Variants in MPRIP observed in about 807,000 individuals in gnomAD.
The protein encoded by MPRIP is myosin phosphatase Rho interacting protein, also known as myosin phosphatase Rho-interacting protein.
Under a neutral mutation model 234.9 loss-of-function variants are expected in MPRIP, and 59 were observed. The observed-to-expected ratio is 0.25, with a 90% CI of 0.20 to 0.31. The LOEUF (loss-of-function observed/expected upper bound fraction) is 0.31, where lower values mean the gene tolerates loss of function less well. Among genes scored for constraint, MPRIP ranks in the 10% least tolerant of loss-of-function variants. The pLI, the probability that MPRIP is intolerant of heterozygous loss-of-function variation, is 1.00. For synonymous variants in MPRIP, 1,144 were observed against 1,263.9 expected, an observed-to-expected ratio of 0.91 and a Z score of 2.01; for missense variants, 2,436 against 3,071.0, an observed-to-expected ratio of 0.79 and a Z score of 4.89.
At chr17:17,143,470 C>G in intron 8 of MPRIP, 86 bp from the exon 9 acceptor site, 1 of 857,018 alleles carries the variant, frequency 1.2e-6, no homozygotes, top group East Asian at 3.2e-5. Context: ...CCTGGCGGCT[C>G]TTGGAGGGGT....
chr17:17,170,887 G>T (rs2046118026), intron 16 of MPRIP: 1 of 152,198 alleles, frequency 6.6e-6, no homozygotes, highest in Non-Finnish European at 1.5e-5. Flanking sequence ...TTCCTGGTGT[G>T]GCTTGCTCCC....
At position 17,154,371 on chromosome 17, in the gene MPRIP, C is replaced by A; in HGVS notation, c.1785C>A (p.Thr595=). ...TSGIRRNWIQ[T]IMKHVHPTTA... is the part of the protein sequence containing the mutation. ...GGATTCGGCGGAACTGGATCCAGAC[C>A]ATCATGAAGCACGTGCACCCGACCA... Residue 595 remains threonine (T), a synonymous_variant, in exon 13 of 24, where the codon ACC becomes ACA. Coordinates refer to ENST00000651222, the MANE Select transcript of MPRIP (RefSeq NM_001364716.4). The A allele has an allele frequency of 6.2e-7, 1 of 1,614,136 alleles. No individual in the cohort carries two copies. The highest frequency in any genetic ancestry group is 8.5e-7 in the Non-Finnish European group (1 of 1,180,018).
At chr17:17,158,205 C>T (rs973528957) in intron 13 of MPRIP, among the ~76,000 whole-genome samples, 1 of 152,168 alleles carries the variant, frequency 6.6e-6, no homozygotes, top group South Asian at 2.1e-4. Context: ...TTTCCCCTTC[C>T]CCTCCCCGTC....
chr17:17,147,129 G>A (rs1278032998), intron 10 of MPRIP, among the ~76,000 whole-genome samples, 190 bp from the exon 11 acceptor site: 1 of 151,310 alleles, frequency 6.6e-6, no homozygotes, highest in Non-Finnish European at 1.5e-5. Flanking sequence ...CGTCCTGAGG[G>A]TGTGAGCGCA....
rs2089918927 is a variant in MPRIP, at chr17:17,099,626, C to T, written c.267+21550C>T. ...CCTATAGTCCTAGCTACTTGGGAGGCTGAGGCCAGAGGATCGCTTGAGCCT... is the reference window on the plus strand; with the variant it reads ...CCTATAGTCCTAGCTACTTGGGAGGTTGAGGCCAGAGGATCGCTTGAGCCT... On this transcript the variant is annotated intron_variant, in intron 3 of 23. Transcript: ENST00000651222. Among the ~76,000 whole-genome samples the T allele has an allele frequency of 3.3e-5, 5 of 152,170 alleles. No homozygotes were observed. The South Asian group carries it at 1.0e-3, about 31-fold the overall frequency.
At position 17,164,511 on chromosome 17, in the gene MPRIP, C is replaced by T. The variant is rs1044430522; in HGVS notation, c.2920C>T (p.Arg974Trp). 5 of 1,211,316 alleles carry T rather than the reference C, an allele frequency of 4.1e-6. No homozygotes were observed. The highest frequency in any genetic ancestry group is 1.6e-5 in the African/African-American group (1 of 62,934). 75.0% of individuals were successfully genotyped at this position (1,211,316 alleles called of 1,614,324 possible). ...ALLLEKTQELRGLETQQALQR... is the reference protein window; with the variant it reads ...ALLLEKTQELWGLETQQALQR... Reference sequence around the variant, plus strand: ...GCTGCTGGAGAAGACGCAGGAGCTACGGGGCCTGGAGACACAGCAGGCGCT... The same window carrying T: ...GCTGCTGGAGAAGACGCAGGAGCTATGGGGCCTGGAGACACAGCAGGCGCT... Residue 974 changes from arginine to tryptophan, a missense_variant, in exon 16 of 24, where the codon CGG (arginine) becomes TGG (tryptophan). By Grantham distance (101) the Arg-to-Trp change is moderately radical. Around this residue, in one of 4 missense-constraint regions of MPRIP, gnomAD observed 1,998 missense variants for 2,520.3 expected, o/e 0.79. Coordinates refer to ENST00000651222, the MANE Select transcript of MPRIP (RefSeq NM_001364716.4).
At chr17:17,180,824 C>T (rs1038127576) in intron 23 of MPRIP, among the ~76,000 whole-genome samples, 1 of 152,248 alleles carries the variant, frequency 6.6e-6, no homozygotes, top group Non-Finnish European at 1.5e-5. Context: ...TTAATTGGCA[C>T]TCTAACCTCT....
chr17:17,163,681 C>T (rs943440016), intron 15 of MPRIP, among the ~76,000 whole-genome samples: 2 of 152,076 alleles, frequency 1.3e-5, no homozygotes, highest in Non-Finnish European at 2.9e-5. Context: ...TTGTGTCCTG[C>T]GCTTGTTTAG....
intron 1 of MPRIP, among the ~76,000 whole-genome samples, chr17:17,055,213 T>G (rs2088657242): frequency 6.6e-6 from 1 of 151,938 alleles, no homozygotes; most frequent in African/African-American, 2.4e-5. Context: ...TTTTAGGAAT[T>G]TCTTTGATGG....
At chr17:17,139,700 C>T (rs11651938) in intron 7 of MPRIP, among the ~76,000 whole-genome samples, 19,816 of 152,178 alleles carry the variant, frequency 0.13, 1,843 homozygotes, top group East Asian at 0.31. Context: ...CCCACTCTTC[C>T]AAACGTCCCA....
intron 10 of MPRIP, among the ~76,000 whole-genome samples, chr17:17,146,577 C>T (rs1163113133): frequency 6.6e-6 from 1 of 152,206 alleles, no homozygotes; most frequent in East Asian, 1.9e-4. Context: ...AAACATGGTA[C>T]ATTCTTGCCA....
Position 17,166,970 on chromosome 17 carries a change from A to G in MPRIP, c.5379A>G (p.Leu1793=). The G allele has an allele frequency of 7.7e-7, 1 of 1,304,226 alleles. No individual in the cohort carries two copies. The highest frequency in any genetic ancestry group is 1.2e-5 in the South Asian group (1 of 81,028). The allele number at this position is 1,304,226 out of a possible 1,614,324, so 80.8% of individuals were successfully genotyped here. The change falls in exon 16 of 24, where the codon TTA becomes TTG. Residue 1793 remains leucine, a synonymous_variant. Transcript: ENST00000651222. The surrounding 1 kb of genome is among the most constrained non-coding windows in gnomAD (Gnocchi z 4.4). ...AGCTGAAGGAGAAGGCCAGCCTCTT[A>G]GAGGAGATAGCGGCTGCCTTACCAT... ...AQQLKEKASL[L]EEIAAALPSL... is the part of the protein sequence containing the mutation.
intron 1 of MPRIP, among the ~76,000 whole-genome samples, chr17:17,064,006 C>T (rs1216811276): frequency 6.6e-6 from 1 of 152,188 alleles, no homozygotes; most frequent in Non-Finnish European, 1.5e-5. Context: ...GGGGAAGGGA[C>T]AGAAGAACCC....
intron 4 of MPRIP, among the ~76,000 whole-genome samples, chr17:17,127,342 G>A (rs979628589): frequency 3.9e-5 from 6 of 152,216 alleles, no homozygotes; most frequent in Non-Finnish European, 8.8e-5. Flanking sequence ...CCTCACACCC[G>A]AGCCACTCTG....
chr17:17,050,963 T>G (rs984972011), intron 1 of MPRIP, among the ~76,000 whole-genome samples: 1 of 152,262 alleles, frequency 6.6e-6, no homozygotes, highest in Non-Finnish European at 1.5e-5. Context: ...CTGATTTCTC[T>G]TTCCCTTGCC....
chr17:17,102,910 G>T (rs528561186), intron 3 of MPRIP, among the ~76,000 whole-genome samples: 2 of 152,366 alleles, frequency 1.3e-5, no homozygotes, highest in East Asian at 3.9e-4. Flanking sequence ...GCACCCTTCT[G>T]GGGGTGGACC....
At chr17:17,070,812 T>C (rs2089174835) in intron 1 of MPRIP, among the ~76,000 whole-genome samples, 1 of 152,262 alleles carries the variant, frequency 6.6e-6, no homozygotes. Flanking sequence ...TGATGATTTT[T>C]GGTGGAAACC....
In MPRIP at chr17:17,165,412, C is replaced by T. The variant is rs1421622846; in HGVS notation, c.3821C>T (p.Pro1274Leu). ...GAGGACGAGGACCTGGGGGCTCCTCCGGGGGAAGAGTACGGTGATGGCAGC... is the reference window on the plus strand; with the variant it reads ...GAGGACGAGGACCTGGGGGCTCCTCTGGGGGAAGAGTACGGTGATGGCAGC... ...EDEDEDLGAP[P>L]GEEYGDGSPS... Residue 1274 changes from proline (P) to leucine (L), a missense_variant, in exon 16 of 24, where the codon CCG (proline) becomes CTG (leucine). Coordinates refer to ENST00000651222, the MANE Select transcript of MPRIP (RefSeq NM_001364716.4). The T allele has an allele frequency of 6.9e-6, 9 of 1,304,166 alleles. No homozygotes were observed. Among genetic ancestry groups the T allele is most frequent in the Admixed American group, 6.9e-5 (3 of 43,568 alleles). The allele number at this position is 1,304,166 out of a possible 1,614,324, so 80.8% of individuals were successfully genotyped here. A position where few individuals can be genotyped will look rare whatever the true frequency, so the allele number is the denominator to read the frequency against.
intron 3 of MPRIP, among the ~76,000 whole-genome samples, chr17:17,093,222 A>G (rs1409100005): frequency 6.6e-6 from 1 of 152,226 alleles, no homozygotes; most frequent in Admixed American, 6.5e-5. Flanking sequence ...TTTGAATTGT[A>G]ACAACTTTGG....
Sources: gnomAD v4.1 joint callset for allele counts (sites outside exome capture counted in the v4.1 genomes callset) on GRCh38, gnomAD v4.1.1 for gene constraint, gnomAD v4.1.1 regional missense constraint, Gnocchi (gnomAD v3.1) non-coding constraint, MANE v1.5 for transcripts, NCBI Gene and HGNC (gene_info 2026-07-23, HGNC 2026-07-21) for gene names.